Variants in SLC6A16 observed in about 807,000 individuals in gnomAD.
SLC6A16 encodes orphan sodium- and chloride-dependent neurotransmitter transporter NTT5.
Under a neutral mutation model 65.4 loss-of-function variants are expected in SLC6A16, and 54 were observed. The observed-to-expected ratio is 0.83, with a 90% confidence interval of 0.66 to 1.04. The LOEUF is 1.04. Ranked by LOEUF, SLC6A16 falls within the 50% of genes least tolerant of loss-of-function variation. The probability of loss-of-function intolerance (pLI) is 0.00; values close to 1 mark genes in which losing one functional copy is unlikely to be tolerated. For missense variants in SLC6A16, 816 were observed against 914.0 expected (o/e 0.89, Z 1.38); for synonymous variants, 330 against 346.5 (o/e 0.95, Z 0.53).
intron 11 of SLC6A16, 62 bp downstream of exon 11, chr19:49,290,543 G>A (rs1255155482): frequency 6.3e-7 from 1 of 1,588,188 alleles, no homozygotes; most frequent in African/African-American, 1.3e-5. Flanking sequence ...CTTTCACCCA[G>A]AGTGAATTGA....
intron 4 of SLC6A16, 30 bp from the exon 5 acceptor site, chr19:49,309,856 C>G: frequency 6.2e-7 from 1 of 1,601,364 alleles, no homozygotes; most frequent in Non-Finnish European, 8.5e-7. Context: ...GACATGCCTG[C>G]TAGACAAGGT....
chr19:49,302,773 T>C (rs1970313641), intron 7 of SLC6A16, among the ~76,000 whole-genome samples: 1 of 152,040 alleles, frequency 6.6e-6, no homozygotes, highest in Admixed American at 6.6e-5. Context: ...AAGAAGAGGC[T>C]AAACAAAGGC....
At chr19:49,318,097 T>C (rs987744662) in intron 1 of SLC6A16, among the ~76,000 whole-genome samples, 5 of 152,114 alleles carry the variant, frequency 3.3e-5, no homozygotes, top group Admixed American at 2.0e-4. Flanking sequence ...TCTAGGAATC[T>C]GGATAAAGTA....
the SLC6A16 span, among the ~76,000 whole-genome samples, chr19:49,337,466 A>T: frequency 7.7e-3 from 998 of 130,288 alleles, 9 homozygotes; most frequent in African/African-American, 0.042. Flanking sequence ...ATCTATATTT[A>T]AAAAAAAAAT....
At chr19:49,339,778 G>T in the SLC6A16 span, 2 of 1,367,210 alleles carry the variant, frequency 1.5e-6, no homozygotes, top group African/African-American at 2.9e-5. This position sits in a 1 kb window ranked among gnomAD's most constrained non-coding sequence, Gnocchi z 4.5. Flanking sequence ...TGACGGCGGC[G>T]GCGGGCACAG....
At chr19:49,327,232 G>A (rs1223422737), upstream of SLC6A16, among the ~76,000 whole-genome samples, 8 of 151,954 alleles carry the variant, frequency 5.3e-5, no homozygotes, top group African/African-American at 1.9e-4. Flanking sequence ...CTGCCATTAC[G>A]CCTGGTTAAT....
At position 49,289,965 on chromosome 19, in the gene SLC6A16, G is replaced by C. The variant is rs899973080; in HGVS notation, c.*158C>G. 2.3e-5 allele frequency: 16 copies of C among 686,396 alleles called. No individual in the cohort carries two copies. The African/African-American group carries it at 2.5e-4, about 11-fold the overall frequency. The allele number at this position is 686,396 out of a possible 1,614,324, so 42.5% of individuals were successfully genotyped here. ...GTAAGATGGGACCCAGGAAGGGATTGCAAGTCCAGGCCCCATGAACACCCC... is the reference window on the plus strand; with the variant it reads ...GTAAGATGGGACCCAGGAAGGGATTCCAAGTCCAGGCCCCATGAACACCCC... On this transcript the variant is annotated 3_prime_UTR_variant, in exon 12 of 12. Coordinates refer to ENST00000335875, the MANE Select transcript of SLC6A16 (RefSeq NM_014037.3).
Position 49,311,267 on chromosome 19 carries a change from TG to T in SLC6A16, c.80del (p.Pro27GlnfsTer12). 6.2e-7 allele frequency: 1 copy of T among 1,613,784 alleles called. No homozygotes were observed. Among genetic ancestry groups the T allele is most frequent in the Non-Finnish European group, 8.5e-7 (1 of 1,179,872 alleles). ...WTGTVISDSV[P>X]GSQTWEDKGS... ...CCTTGTCTTCCCACGTTTGACTTCC[TG>T]GGACACTGTCAGAAATCACTGTGCC... On this transcript the variant is annotated frameshift_variant, in exon 2 of 12. Transcript: ENST00000335875. LOFTEE classifies it high-confidence loss of function.
the SLC6A16 span, chr19:49,335,719 C>T: frequency 6.8e-6 from 11 of 1,613,728 alleles, no homozygotes; most frequent in South Asian, 3.3e-5. The surrounding 1 kb of genome is among the most constrained non-coding windows in gnomAD (Gnocchi z 4.6). Flanking sequence ...CCCAGGTCCT[C>T]GGCAGCCTGA....
chr19:49,338,202 G>T, the SLC6A16 span: 2 of 1,432,886 alleles, frequency 1.4e-6, no homozygotes, highest in South Asian at 3.0e-5. The surrounding 1 kb of genome is among the most constrained non-coding windows in gnomAD (Gnocchi z 5.0). Flanking sequence ...CCCCGGCGTC[G>T]CCTGGTCTCC....
intron 1 of SLC6A16, among the ~76,000 whole-genome samples, chr19:49,318,868 A>ATTT (rs71180618): frequency 0.033 from 3,409 of 104,526 alleles, 260 homozygotes; most frequent in African/African-American, 0.084. Context: ...ACAACTGGCT[A>ATTT]TTTTTTTTTT....
chr19:49,300,998 C>A (rs1970280476), intron 7 of SLC6A16, among the ~76,000 whole-genome samples: 1 of 152,078 alleles, frequency 6.6e-6, no homozygotes, highest in Non-Finnish European at 1.5e-5. Flanking sequence ...GTTGCGTGAG[C>A]CGAGATCAGG....
chr19:49,308,090 C>G (rs1970430192), intron 7 of SLC6A16, among the ~76,000 whole-genome samples: 1 of 151,350 alleles, frequency 6.6e-6, no homozygotes. Context: ...AATCAAGGTT[C>G]TAGTACAGAG....
intron 5 of SLC6A16, 66 bp from the exon 6 acceptor site, chr19:49,309,477 A>G: frequency 1.4e-6 from 2 of 1,382,236 alleles, no homozygotes; most frequent in Admixed American, 3.6e-5. Flanking sequence ...GTTAGGAGGG[A>G]TCAAAAGTTC....
the SLC6A16 span, chr19:49,339,330 G>A: frequency 6.2e-7 from 1 of 1,613,814 alleles, no homozygotes; most frequent in South Asian, 1.1e-5. The surrounding 1 kb of genome is among the most constrained non-coding windows in gnomAD (Gnocchi z 4.5). Flanking sequence ...CACCCCCCAG[G>A]GCTGCGCGCA....
At position 49,309,302 on chromosome 19, in the gene SLC6A16, T is replaced by G; in HGVS notation, c.986A>C (p.Lys329Thr). Residue 329 changes from lysine to threonine, a missense_variant and splice_region_variant, in exon 6 of 12, where the codon AAG becomes ACG. Lys to Thr is a moderately conservative substitution (Grantham distance 78). Coordinates refer to ENST00000335875, the MANE Select transcript of SLC6A16 (RefSeq NM_014037.3). ...KFGLQQLVVA[K>T]ISDVYNMSVW... ...GGGGAGTGAGGAGATAGATTTCACC[T>G]TGGCAACCACCAACTGTTGAAGGCC... 1.2e-6 allele frequency: 2 copies of G among 1,610,760 alleles called. No individual in the cohort carries two copies. The highest frequency in any genetic ancestry group is 1.7e-6 in the Non-Finnish European group (2 of 1,176,946).
At chr19:49,324,908 C>CA (rs1970774084) in intron 1 of SLC6A16, 140 bp downstream of exon 1, 1 of 349,368 alleles carries the variant, frequency 2.9e-6, no homozygotes, top group Non-Finnish European at 4.0e-6. Flanking sequence ...CCACAGAGCC[C>CA]AGGGCAACCA....
chr19:49,310,369 C>G lies in SLC6A16; in HGVS notation c.557G>C (p.Gly186Ala). ...GCTCCTCACCATGAAGCTAGAATACCCCACACCACCAATCCAGGGGGCAAT... is the reference window on the plus strand; with the variant it reads ...GCTCCTCACCATGAAGCTAGAATACGCCACACCACCAATCCAGGGGGCAAT... Reference protein sequence around the residue: ...KIIAPWIGGVGYSSFMVCFIL... With the variant: ...KIIAPWIGGVAYSSFMVCFIL... The change falls in exon 3 of 12, where the codon GGG becomes GCG. Residue 186 changes from glycine to alanine, a missense_variant. Physicochemically the swap from Gly to Ala is moderately conservative, Grantham distance 60 (BLOSUM62 0). Coordinates refer to ENST00000335875, the MANE Select transcript of SLC6A16 (RefSeq NM_014037.3). 6.2e-7 allele frequency: 1 copy of G among 1,613,948 alleles called. No individual in the cohort carries two copies. The highest frequency in any genetic ancestry group is 8.5e-7 in the Non-Finnish European group (1 of 1,179,970).
chr19:49,328,767 A>G (rs1244688569), upstream of SLC6A16, among the ~76,000 whole-genome samples: 1 of 152,262 alleles, frequency 6.6e-6, no homozygotes, highest in African/African-American at 2.4e-5. Context: ...CTTCAGGACT[A>G]GGTCATAAAA....
Sources: allele counts gnomAD v4.1 joint callset (sites outside exome capture counted in the v4.1 genomes callset), GRCh38; gene constraint gnomAD v4.1.1; non-coding constraint Gnocchi (gnomAD v3.1); transcripts MANE v1.5; gene names NCBI Gene and HGNC (gene_info 2026-07-23, HGNC 2026-07-21).